TENM2: variants seen among roughly 807,000 people sequenced by gnomAD.
TENM2 encodes teneurin-2.
TENM2 carries 52 observed loss-of-function variants against 245.2 expected under a neutral mutation model. That is an observed-to-expected ratio of 0.21 (90% confidence interval 0.17 to 0.27). TENM2 has a LOEUF of 0.27. Ranked by LOEUF, TENM2 falls within the 10% of genes least tolerant of loss-of-function variation. The pLI is 1.00. For synonymous variants in TENM2, 1,363 were observed against 1,438.9 expected (o/e 0.95, Z 1.19); for missense variants, 3,046 against 3,666.8 (o/e 0.83, Z 4.37).
chr5:167,325,280 A>G (rs546775179), intron 1 of TENM2, among the ~76,000 whole-genome samples: 7 of 152,230 alleles, frequency 4.6e-5, no homozygotes, highest in African/African-American at 1.7e-4. Context: ...ATTAGCCGAC[A>G]AGAATTTATA....
the TENM2 span, among the ~76,000 whole-genome samples, chr5:166,986,913 C>T: frequency 2.0e-5 from 1 of 49,034 alleles, no homozygotes; most frequent in African/African-American, 5.3e-5. Context: ...TAGAGAAGAG[C>T]ATTTTTTTTT....
In TENM2 at chr5:167,599,868, T is replaced by G. The variant is rs899316821; in HGVS notation, c.502+224395T>G. On this transcript the variant is annotated intron_variant, in intron 2 of 28. Coordinates refer to ENST00000518659, the Ensembl canonical transcript of TENM2. ...AGAATATCGTTAAAGGTTTCATGGCTGGGCGCGGTGGCTCACACCTGCAGT... is the reference window on the plus strand; with the variant it reads ...AGAATATCGTTAAAGGTTTCATGGCGGGGCGCGGTGGCTCACACCTGCAGT... 4.6e-5 allele frequency among the ~76,000 whole-genome samples: 7 copies of G among 152,098 alleles called. No individual in the cohort carries two copies. In the East Asian group the frequency reaches 5.8e-4, roughly 13 times the overall value.
chr5:167,409,976 T>C (rs946247857), intron 2 of TENM2, among the ~76,000 whole-genome samples: 1 of 152,002 alleles, frequency 6.6e-6, no homozygotes, highest in African/African-American at 2.4e-5. Flanking sequence ...GTAATTAATA[T>C]TAATTTAATA....
chr5:167,449,621 T>C (rs1765454289), intron 2 of TENM2, among the ~76,000 whole-genome samples: 1 of 152,182 alleles, frequency 6.6e-6, no homozygotes, highest in Admixed American at 6.5e-5. Context: ...TGCTTTCTAA[T>C]TTCACATGTA....
chr5:167,845,165 T>G (rs1046809659), intron 2 of TENM2, among the ~76,000 whole-genome samples: 1 of 151,982 alleles, frequency 6.6e-6, no homozygotes, highest in Non-Finnish European at 1.5e-5. Flanking sequence ...CACAGACGTT[T>G]TTGTTTTAAT....
At chr5:167,776,455 G>A (rs1376261241) in intron 2 of TENM2, among the ~76,000 whole-genome samples, 1 of 151,460 alleles carries the variant, frequency 6.6e-6, no homozygotes, top group African/African-American at 2.4e-5. Context: ...AATTAGCTGA[G>A]CGTGGTGGCG....
At chr5:167,640,904 T>TA (rs1561629279) in intron 2 of TENM2, among the ~76,000 whole-genome samples, 35 of 113,470 alleles carry the variant, frequency 3.1e-4, no homozygotes, top group African/African-American at 9.8e-4. Context: ...TATATATATA[T>TA]ATCTTTCTCT....
At position 167,748,289 on chromosome 5, in the gene TENM2, T is replaced by C. The variant is rs1159377920; in HGVS notation, c.503-127697T>C. Among the ~76,000 whole-genome samples the C allele has an allele frequency of 2.6e-5, 4 of 152,332 alleles. No individual in the cohort carries two copies. In the South Asian group the frequency reaches 6.2e-4, roughly 24 times the overall value. ...AAAGTTTTTATAATTGCACCAAGTT[T>C]CATTGACCCATATTAAAGGTGTCAG... On this transcript the variant is annotated intron_variant, in intron 2 of 28. Coordinates refer to ENST00000518659, the Ensembl canonical transcript of TENM2.
intron 1 of TENM2, among the ~76,000 whole-genome samples, chr5:167,362,074 C>T (rs1581843159): frequency 6.6e-6 from 1 of 152,176 alleles, no homozygotes; most frequent in East Asian, 1.9e-4. Context: ...TGTAAGTCAA[C>T]AGCTGCCAGA....
intron 6 of TENM2, among the ~76,000 whole-genome samples, chr5:168,048,479 T>C (rs1788806090): frequency 6.6e-6 from 1 of 152,222 alleles, no homozygotes; most frequent in South Asian, 2.1e-4. Context: ...ATTAGGCACC[T>C]ATTGCATGCC....
intron 19 of TENM2, among the ~76,000 whole-genome samples, chr5:168,208,277 T>A (rs571079759): frequency 1.3e-5 from 2 of 152,210 alleles, no homozygotes; most frequent in Non-Finnish European, 2.9e-5. Context: ...AAATTTCCAT[T>A]TTTTTATTTT....
chr5:167,821,991 A>G (rs995471167), intron 2 of TENM2, among the ~76,000 whole-genome samples: 1 of 152,114 alleles, frequency 6.6e-6, no homozygotes, highest in African/African-American at 2.4e-5. Flanking sequence ...TTCATGGATA[A>G]AGGCGAAACA....
chr5:167,855,087 A>C (rs892660800), intron 2 of TENM2, among the ~76,000 whole-genome samples: 1 of 152,184 alleles, frequency 6.6e-6, no homozygotes, highest in Non-Finnish European at 1.5e-5. Flanking sequence ...AAGACCTTGC[A>C]GTGGCTTCTG....
chr5:167,460,508 C>T (rs1166638704), intron 2 of TENM2, among the ~76,000 whole-genome samples: 2 of 152,052 alleles, frequency 1.3e-5, no homozygotes. Context: ...GTGTGAAAGA[C>T]GTAAGTTCAT....
At chr5:168,195,585 T>C (rs1411588856) in intron 15 of TENM2, among the ~76,000 whole-genome samples, 1 of 148,678 alleles carries the variant, frequency 6.7e-6, no homozygotes, top group Non-Finnish European at 1.5e-5. Context: ...TGTGTGTGTG[T>C]GTGTGTGTGT....
intron 2 of TENM2, among the ~76,000 whole-genome samples, chr5:167,833,783 A>G (rs544366419): frequency 6.6e-6 from 1 of 152,224 alleles, no homozygotes; most frequent in African/African-American, 2.4e-5. Flanking sequence ...AATCAGCCTC[A>G]GTAAGCAACA....
chr5:167,596,369 C>T (rs748628531), intron 2 of TENM2, among the ~76,000 whole-genome samples: 1 of 152,202 alleles, frequency 6.6e-6, no homozygotes. Flanking sequence ...TCCTACTGGA[C>T]TGTCCCCCCC....
At chr5:167,226,762 A>G in the TENM2 span, among the ~76,000 whole-genome samples, 1 of 151,946 alleles carries the variant, frequency 6.6e-6, no homozygotes, top group African/African-American at 2.4e-5. Flanking sequence ...TTATCCGCCT[A>G]ATGTTGTAAG....
At chr5:167,874,985 C>T (rs1464750127) in intron 2 of TENM2, among the ~76,000 whole-genome samples, 1 of 152,252 alleles carries the variant, frequency 6.6e-6, no homozygotes, top group Non-Finnish European at 1.5e-5. Flanking sequence ...CCCTTTCCAT[C>T]ACTCTTCCAC....
Sources: gnomAD v4.1 joint callset for allele counts (sites outside exome capture counted in the v4.1 genomes callset) on GRCh38, gnomAD v4.1.1 for gene constraint, MANE v1.5 for transcripts, NCBI Gene and HGNC (gene_info 2026-07-23, HGNC 2026-07-21) for gene names.